Variants in SUGCT observed in about 807,000 individuals in gnomAD.
SUGCT encodes the protein succinyl-CoA:glutarate CoA-transferase.
In SUGCT, 41 loss-of-function variants were observed where a neutral mutation model predicts 55.0. The ratio of observed to expected loss-of-function variants is 0.74; its 90% CI spans 0.58 to 0.97. The LOEUF (loss-of-function observed/expected upper bound fraction) is 0.97. Among genes scored for constraint, SUGCT ranks in the 50% least tolerant of loss-of-function variants. SUGCT has a pLI of 0.00. For synonymous variants in SUGCT, 187 were observed against 200.4 expected, an observed-to-expected ratio of 0.93 and a Z score of 0.56; for missense variants, 568 against 547.8, an observed-to-expected ratio of 1.04 and a Z score of -0.37.
intron 1 of SUGCT, among the ~76,000 whole-genome samples, chr7:40,165,472 A>G (rs190722045): frequency 1.3e-5 from 2 of 152,304 alleles, no homozygotes; most frequent in South Asian, 2.1e-4. Flanking sequence ...ACTTCTTTGC[A>G]TGGTTGACCA....
At chr7:40,563,105 G>A (rs1795932055) in intron 12 of SUGCT, among the ~76,000 whole-genome samples, 2 of 152,106 alleles carry the variant, frequency 1.3e-5, no homozygotes, top group South Asian at 2.1e-4. Flanking sequence ...CACCTGAAGC[G>A]CTCTATGTCC....
chr7:40,810,156 G>T (rs1007271502), intron 13 of SUGCT, among the ~76,000 whole-genome samples: 13 of 151,454 alleles, frequency 8.6e-5, no homozygotes, highest in Non-Finnish European at 1.6e-4. Flanking sequence ...GACAGGGTCT[G>T]GTTTGGTCAC....
At chr7:40,291,585 A>C (rs939379765) in intron 8 of SUGCT, among the ~76,000 whole-genome samples, 11 of 151,590 alleles carry the variant, frequency 7.3e-5, no homozygotes, top group African/African-American at 2.2e-4. Context: ...CAGCACACCA[A>C]CATGGCACAT....
the SUGCT span, among the ~76,000 whole-genome samples, chr7:40,949,467 C>T: frequency 2.0e-5 from 3 of 152,094 alleles, no homozygotes; most frequent in Non-Finnish European, 4.4e-5. Context: ...TAACTAGATC[C>T]CATTTGTCAA....
intron 10 of SUGCT, among the ~76,000 whole-genome samples, chr7:40,457,085 A>T (rs1393375539): frequency 5.3e-5 from 8 of 150,682 alleles, no homozygotes; most frequent in African/African-American, 2.0e-4. Context: ...GTTTTTGCCA[A>T]TGTCTCTTCA....
intron 11 of SUGCT, among the ~76,000 whole-genome samples, chr7:40,472,930 A>G (rs961672551): frequency 6.6e-6 from 1 of 152,172 alleles, no homozygotes; most frequent in Non-Finnish European, 1.5e-5. Context: ...AAATTCTTAT[A>G]ATAATGTGTT....
At chr7:40,393,660 T>C (rs1442776849) in intron 9 of SUGCT, among the ~76,000 whole-genome samples, 2 of 152,068 alleles carry the variant, frequency 1.3e-5, no homozygotes, top group Admixed American at 6.6e-5. Flanking sequence ...GTATGACCAA[T>C]GCATAGGTCC....
intron 12 of SUGCT, among the ~76,000 whole-genome samples, chr7:40,663,049 G>A (rs1801412331): frequency 6.6e-6 from 1 of 152,110 alleles, no homozygotes; most frequent in Non-Finnish European, 1.5e-5. Flanking sequence ...TCTATATGTA[G>A]AAAACAGGCA....
At chr7:40,465,941 G>A (rs185598495) in intron 11 of SUGCT, among the ~76,000 whole-genome samples, 11 of 152,286 alleles carry the variant, frequency 7.2e-5, no homozygotes, top group African/African-American at 2.6e-4. Flanking sequence ...GCGTGCGGTA[G>A]TGTGATCATG....
In SUGCT at chr7:40,339,622, C is replaced by T. The variant is rs1437356093; in HGVS notation, c.816+22767C>T. Among the ~76,000 whole-genome samples the T allele has an allele frequency of 2.0e-5, 3 of 152,166 alleles. No individual in the cohort carries two copies. The South Asian group carries it at 6.2e-4, about 32-fold the overall frequency. ...GTGCAGTATTAGGGTGGGAGTGACC[C>T]GATTTTCCAGGTGCCATCTGTCACA... On this transcript the variant is annotated intron_variant, in intron 9 of 13. Transcript: ENST00000335693.
chr7:40,354,298 G>A (rs953141412), intron 9 of SUGCT, among the ~76,000 whole-genome samples: 4 of 152,164 alleles, frequency 2.6e-5, no homozygotes, highest in Admixed American at 6.6e-5. Context: ...ACATACAACA[G>A]TGTGGGCAGA....
chr7:40,502,609 C>A (rs1002692006), intron 12 of SUGCT, among the ~76,000 whole-genome samples: 6 of 151,708 alleles, frequency 4.0e-5, no homozygotes, highest in African/African-American at 1.5e-4. Flanking sequence ...ATTAATGAAA[C>A]ATTTTAAATG....
chr7:40,872,366 T>C, the SUGCT span, among the ~76,000 whole-genome samples: 1 of 152,206 alleles, frequency 6.6e-6, no homozygotes, highest in Non-Finnish European at 1.5e-5. Flanking sequence ...GAAATTCTTA[T>C]TTTGGCTTCT....
At chr7:40,953,419 C>G in the SUGCT span, among the ~76,000 whole-genome samples, 1 of 152,004 alleles carries the variant, frequency 6.6e-6, no homozygotes, top group Non-Finnish European at 1.5e-5. Context: ...AGCTTGGAGA[C>G]GTTTGATTGT....
chr7:40,543,353 C>G (rs761178198), intron 12 of SUGCT, among the ~76,000 whole-genome samples: 8 of 152,104 alleles, frequency 5.3e-5, no homozygotes, highest in Non-Finnish European at 8.8e-5. Context: ...AAAATGATAA[C>G]AAGTACAAAA....
At chr7:40,170,680 C>T (rs1365084173) in intron 1 of SUGCT, among the ~76,000 whole-genome samples, 1 of 151,448 alleles carries the variant, frequency 6.6e-6, no homozygotes, top group African/African-American at 2.4e-5. Context: ...CACCTGTTTT[C>T]CCACCTTTCT....
chr7:40,154,799 G>T lies in SUGCT; in HGVS notation c.100+19679G>T, dbSNP rs140068213. Reference sequence around the variant, plus strand: ...CTCTAGAAGTGAAGTATTGCATTTTGTGAACAATGTTTGCCCCATAAGATG... The same window carrying T: ...CTCTAGAAGTGAAGTATTGCATTTTTTGAACAATGTTTGCCCCATAAGATG... On this transcript the variant is annotated intron_variant, in intron 1 of 13. Transcript: ENST00000335693. Among the ~76,000 whole-genome samples the T allele has an allele frequency of 1.7e-3, 255 of 152,294 alleles. 1 individual carries two copies. Among genetic ancestry groups the T allele is most frequent in the African/African-American group, 5.8e-3 (240 of 41,572 alleles).
chr7:41,009,993 CA>C, the SUGCT span, among the ~76,000 whole-genome samples: 2 of 152,186 alleles, frequency 1.3e-5, no homozygotes, highest in African/African-American at 4.8e-5. Context: ...GCATCTCAAC[CA>C]AGTGAGCCTA....
At chr7:40,899,335 C>T in the SUGCT span, among the ~76,000 whole-genome samples, 4 of 152,308 alleles carry the variant, frequency 2.6e-5, no homozygotes, top group East Asian at 7.7e-4. Context: ...CCCTCCGCCT[C>T]CCATTTTGGC....
Sources: allele counts gnomAD v4.1 joint callset (sites outside exome capture counted in the v4.1 genomes callset), GRCh38; gene constraint gnomAD v4.1.1; transcripts MANE v1.5; gene names NCBI Gene and HGNC (gene_info 2026-07-23, HGNC 2026-07-21).